Variants in NALF1 observed in about 807,000 individuals in gnomAD.
NALF1 encodes NALCN channel auxiliary factor 1.
A neutral mutation model predicts 48.4 loss-of-function variants in NALF1; 3 were observed. That is an observed-to-expected ratio of 0.06 (90% CI 0.03 to 0.16). NALF1 has a LOEUF of 0.16. Among genes scored for constraint, NALF1 ranks in the 10% least tolerant of loss-of-function variants. The pLI is 1.00. For synonymous variants in NALF1, 262 were observed against 245.7 expected, an observed-to-expected ratio of 1.07 and a Z score of -0.62; for missense variants, 526 against 571.5, an observed-to-expected ratio of 0.92 and a Z score of 0.81.
At chr13:107,655,071 C>G (rs1880541543) in intron 1 of NALF1, among the ~76,000 whole-genome samples, 1 of 152,090 alleles carries the variant, frequency 6.6e-6, no homozygotes, top group East Asian at 1.9e-4. Flanking sequence ...TGAAATCACT[C>G]CCCCTAAGAA....
intron 1 of NALF1, among the ~76,000 whole-genome samples, chr13:107,725,411 G>T (rs1876118412): frequency 6.6e-6 from 1 of 152,140 alleles, no homozygotes; most frequent in Admixed American, 6.5e-5. Context: ...GCTAAGAGTA[G>T]AAAAAGTGAA....
chr13:107,212,965 G>T (rs1242982896), intron 1 of NALF1, among the ~76,000 whole-genome samples: 2 of 151,942 alleles, frequency 1.3e-5, no homozygotes, highest in Non-Finnish European at 2.9e-5. Flanking sequence ...CATTCCCACC[G>T]CTCCCTCACA....
At chr13:107,572,384 T>A (rs1346444781) in intron 1 of NALF1, among the ~76,000 whole-genome samples, 1 of 152,146 alleles carries the variant, frequency 6.6e-6, no homozygotes, top group Non-Finnish European at 1.5e-5. Context: ...TTTCCTAATT[T>A]CAAGCTGCCT....
intron 1 of NALF1, among the ~76,000 whole-genome samples, chr13:107,468,335 A>G (rs1001447666): frequency 6.6e-6 from 1 of 152,202 alleles, no homozygotes; most frequent in Non-Finnish European, 1.5e-5. Flanking sequence ...TAACAGGTAC[A>G]AAGATGTATA....
chr13:107,838,182 A>G (rs1177033984), intron 1 of NALF1, among the ~76,000 whole-genome samples: 1 of 152,038 alleles, frequency 6.6e-6, no homozygotes, highest in African/African-American at 2.4e-5. Context: ...GGCCCTCTGA[A>G]TGTAGCCAGA....
chr13:107,300,102 C>T lies in NALF1; in HGVS notation c.916-89347G>A, dbSNP rs566108647. Reference sequence around the variant, plus strand: ...GTCCCACTGGGACAGTATGTGGTCACGAGTTCCTAAAATTTGGACATAAAT... The same window carrying T: ...GTCCCACTGGGACAGTATGTGGTCATGAGTTCCTAAAATTTGGACATAAAT... On this transcript the variant is annotated intron_variant, in intron 1 of 2. Coordinates refer to ENST00000375915, the MANE Select transcript of NALF1 (RefSeq NM_001080396.3). Among the ~76,000 whole-genome samples, 12 of 152,320 alleles carry T rather than the reference C, an allele frequency of 7.9e-5. 1 individual carries two copies. The South Asian group carries it at 1.2e-3, about 16-fold the overall frequency.
intron 1 of NALF1, among the ~76,000 whole-genome samples, chr13:107,520,908 A>G (rs1322125523): frequency 1.3e-5 from 2 of 152,194 alleles, no homozygotes; most frequent in African/African-American, 4.8e-5. Flanking sequence ...TCCATGCAGC[A>G]GTGGGGTCCT....
chr13:107,445,960 G>C (rs1246779895), intron 1 of NALF1, among the ~76,000 whole-genome samples: 1 of 151,128 alleles, frequency 6.6e-6, no homozygotes, highest in Admixed American at 6.6e-5. Context: ...TTTTTTTTTA[G>C]ATGGAATCTC....
At chr13:107,540,614 C>G (rs978983910) in intron 1 of NALF1, among the ~76,000 whole-genome samples, 4 of 152,116 alleles carry the variant, frequency 2.6e-5, no homozygotes, top group African/African-American at 9.7e-5. Context: ...TCCACAGTGA[C>G]TGCTGGTACT....
At chr13:107,390,103 C>A (rs921101124) in intron 1 of NALF1, among the ~76,000 whole-genome samples, 5 of 152,102 alleles carry the variant, frequency 3.3e-5, no homozygotes, top group Non-Finnish European at 7.4e-5. Flanking sequence ...GGCAACATGG[C>A]TCACACCTGT....
At chr13:107,840,873 T>C (rs1880026684) in intron 1 of NALF1, among the ~76,000 whole-genome samples, 1 of 152,158 alleles carries the variant, frequency 6.6e-6, no homozygotes, top group Non-Finnish European at 1.5e-5. Flanking sequence ...TTCCTTCATA[T>C]GTTAAGATTC....
intron 1 of NALF1, among the ~76,000 whole-genome samples, chr13:107,341,025 T>C (rs970700116): frequency 2.0e-5 from 3 of 152,118 alleles, no homozygotes; most frequent in African/African-American, 7.2e-5. Flanking sequence ...AATTTTTTCA[T>C]CTCCTAGTAT....
At chr13:107,426,736 A>G (rs1884287257) in intron 1 of NALF1, among the ~76,000 whole-genome samples, 2 of 152,090 alleles carry the variant, frequency 1.3e-5, no homozygotes, top group Non-Finnish European at 2.9e-5. Flanking sequence ...CAAAATAAGC[A>G]CTATTTTAAA....
chr13:107,706,917 T>TC (rs1875388262), intron 1 of NALF1, among the ~76,000 whole-genome samples: 1 of 100,568 alleles, frequency 9.9e-6, no homozygotes, highest in Non-Finnish European at 1.9e-5. Context: ...TCAAGGGCAT[T>TC]CTTTTTTTTT....
rs916920212 is a variant in NALF1, at chr13:107,623,446, G to GA, written c.915+242235dup. Among the ~76,000 whole-genome samples, 202 of 125,804 alleles carry GA rather than the reference G, an allele frequency of 1.6e-3. 1 individual carries two copies. Among genetic ancestry groups the GA allele is most frequent in the South Asian group, 2.7e-3 (11 of 4,074 alleles). The allele number at this position is 125,804 out of a possible 152,430, so 82.5% of individuals were successfully genotyped here. Reference sequence around the variant, plus strand: ...GCTTGGAAACAGAGTAAAGAAATTAGAAAAAAAAAAAAATATTACTCCCCC... The same window carrying GA: ...GCTTGGAAACAGAGTAAAGAAATTAGAAAAAAAAAAAAAATATTACTCCCCC... On this transcript the variant is annotated intron_variant, in intron 1 of 2. Coordinates refer to ENST00000375915, the MANE Select transcript of NALF1 (RefSeq NM_001080396.3).
At chr13:107,810,338 T>C (rs975417189) in intron 1 of NALF1, among the ~76,000 whole-genome samples, 1 of 152,096 alleles carries the variant, frequency 6.6e-6, no homozygotes, top group African/African-American at 2.4e-5. Flanking sequence ...TAACAATTTA[T>C]CTCAGAGTCT....
chr13:107,474,992 C>T (rs977184172), intron 1 of NALF1, among the ~76,000 whole-genome samples: 7 of 152,142 alleles, frequency 4.6e-5, no homozygotes, highest in Admixed American at 6.6e-5. Flanking sequence ...AATCAGAGCA[C>T]GTCATCTGCT....
chr13:107,477,725 T>C (rs1018036777), intron 1 of NALF1, among the ~76,000 whole-genome samples: 1 of 152,072 alleles, frequency 6.6e-6, no homozygotes, highest in Non-Finnish European at 1.5e-5. Context: ...GCATTTATTT[T>C]AGGATTGATT....
intron 1 of NALF1, among the ~76,000 whole-genome samples, chr13:107,530,260 T>C (rs1216518181): frequency 2.6e-5 from 4 of 152,136 alleles, no homozygotes; most frequent in Admixed American, 1.3e-4. Context: ...CCTAGCAAGA[T>C]AGTCTGCCTT....
Sources: gnomAD v4.1 joint callset for allele counts (sites outside exome capture counted in the v4.1 genomes callset) on GRCh38, gnomAD v4.1.1 for gene constraint, MANE v1.5 for transcripts, NCBI Gene and HGNC (gene_info 2026-07-23, HGNC 2026-07-21) for gene names.